The following PASD1 variants were observed in gnomAD, a reference collection of about 807,000 sequenced individuals.
PASD1 encodes the protein PAS domain containing repressor 1.
A neutral mutation model predicts 58.8 loss-of-function variants in PASD1; 13 were observed. That is an observed-to-expected ratio of 0.22 (90% CI 0.14 to 0.35). The LOEUF is 0.35. Ranked by LOEUF, PASD1 falls within the 10% of genes least tolerant of loss-of-function variation. The probability of loss-of-function intolerance (pLI) is 1.00; values close to 1 mark genes in which losing one functional copy is unlikely to be tolerated. For synonymous variants in PASD1, 236 were observed against 216.7 expected (o/e 1.09, Z -0.78); for missense variants, 734 against 568.3 (o/e 1.29, Z -2.96).
chrX:151,625,657 A>AC (rs142544047), intron 8 of PASD1, 127 bp downstream of exon 8: 235,292 of 576,557 alleles, frequency 0.41, 36,439 homozygotes, highest in Middle Eastern at 0.48. Context: ...AAAAAGAAAC[A>AC]AACGGGCCAG....
At chrX:151,672,779 A>T (rs2014496474) in intron 14 of PASD1, 118 bp downstream of exon 14, 10 of 1,076,420 alleles carry the variant, frequency 9.3e-6, no homozygotes, top group Non-Finnish European at 1.2e-5. Context: ...CGTCCCTCTC[A>T]TCAATAGCAA....
intron 1 of PASD1, among the ~76,000 whole-genome samples, chrX:151,564,717 TAA>T (rs72264125): frequency 0.39 from 38,032 of 97,561 alleles, 6,033 homozygotes; most frequent in Non-Finnish European, 0.43. Context: ...CTACAAAAAT[TAA>T]AAAAAAAAAA....
intron 8 of PASD1, among the ~76,000 whole-genome samples, chrX:151,646,487 C>T (rs967984263): frequency 8.9e-6 from 1 of 112,181 alleles, no homozygotes; most frequent in Admixed American, 9.5e-5. Context: ...TGAAATGTGG[C>T]TACTGTGACT....
rs141831302 is a variant in PASD1, at chrX:151,648,669, C to T, written c.684C>T (p.Pro228=). The T allele has an allele frequency of 5.7e-4, 690 of 1,207,395 alleles. No homozygotes were observed. The highest frequency in any genetic ancestry group is 6.9e-4 in the Non-Finnish European group (617 of 893,671). The part of the protein sequence containing the change: ...HTSMKAVYVE[P]AAAAAAAAIS... Reference sequence around the variant, plus strand: ...GCATGAAAGCCGTGTACGTTGAACCCGCTGCTGCTGCTGCTGCTGCTGCTA... The same window carrying T: ...GCATGAAAGCCGTGTACGTTGAACCTGCTGCTGCTGCTGCTGCTGCTGCTA... Residue 228 remains proline (P), a synonymous_variant, in exon 9 of 16, where the codon CCC becomes CCT. Coordinates refer to ENST00000370357, the MANE Select transcript of PASD1 (RefSeq NM_173493.3).
At chrX:151,577,911 AC>A (rs1288445935) in intron 1 of PASD1, among the ~76,000 whole-genome samples, 1 of 111,770 alleles carries the variant, frequency 8.9e-6, no homozygotes, top group East Asian at 2.8e-4. Flanking sequence ...TTGAACTGCA[AC>A]CAGTAAACCA....
At chrX:151,628,125 A>G (rs1164971555) in intron 8 of PASD1, among the ~76,000 whole-genome samples, 1 of 110,712 alleles carries the variant, frequency 9.0e-6, no homozygotes, top group Non-Finnish European at 1.9e-5. Context: ...AGATGAGTAG[A>G]TTGCAAAAAT....
At position 151,628,741 on chromosome X, in the gene PASD1, G is replaced by C. The variant is rs2013826938; in HGVS notation, c.629+3211G>C. 2.7e-5 allele frequency among the ~76,000 whole-genome samples: 3 copies of C among 111,880 alleles called. No individual in the cohort carries two copies. In the South Asian group the frequency reaches 1.1e-3, roughly 42 times the overall value. On this transcript the variant is annotated intron_variant, in intron 8 of 15. Coordinates refer to ENST00000370357, the MANE Select transcript of PASD1 (RefSeq NM_173493.3). Reference sequence around the variant, plus strand: ...AATTCTGTGAAGAAAGTCATTGGTAGCTTGATGGGGATGGCATTGAATCCA... The same window carrying C: ...AATTCTGTGAAGAAAGTCATTGGTACCTTGATGGGGATGGCATTGAATCCA...
intron 8 of PASD1, among the ~76,000 whole-genome samples, chrX:151,627,974 C>A (rs1215691518): frequency 1.3e-4 from 15 of 112,036 alleles, no homozygotes; most frequent in Admixed American, 3.8e-4. Flanking sequence ...AGCATTTTTT[C>A]ATGTGTCTTT....
In PASD1 at chrX:151,662,321, T is replaced by C. The variant is rs926534264; in HGVS notation, c.842-1798T>C. On this transcript the variant is annotated intron_variant, in intron 10 of 15. Transcript: ENST00000370357. Reference sequence around the variant, plus strand: ...AAAAAAAAATTGTTCCAGCTTTGGCTCATGGGGCTCTTTTAGGTTGGCTCC... The same window carrying C: ...AAAAAAAAATTGTTCCAGCTTTGGCCCATGGGGCTCTTTTAGGTTGGCTCC... 3.6e-5 allele frequency among the ~76,000 whole-genome samples: 4 copies of C among 111,153 alleles called. No individual in the cohort carries two copies. The Admixed American group carries it at 3.8e-4, about 11-fold the overall frequency.
At chrX:151,605,093 C>T (rs2013470949) in intron 3 of PASD1, among the ~76,000 whole-genome samples, 1 of 111,663 alleles carries the variant, frequency 9.0e-6, no homozygotes, top group Admixed American at 9.5e-5. Context: ...TAGTTTCTCC[C>T]CCCTCAAGAA....
rs796081260 is a variant in PASD1 at position 151,611,692 on chromosome X, G to A, written c.146G>A (p.Ser49Asn). Reference protein sequence around the residue: ...QLLDGFMITLSTDGVIICVAE... With the variant: ...QLLDGFMITLNTDGVIICVAE... ...TTAGATGGCTTTATGATTACACTGA[G>A]CACAGATGGAGTGATCATTTGTGTG... Residue 49 changes from serine (S) to asparagine (N), a missense_variant, in exon 4 of 16, where the codon AGC becomes AAC. Coordinates refer to ENST00000370357, the MANE Select transcript of PASD1 (RefSeq NM_173493.3). 2.5e-6 allele frequency: 3 copies of A among 1,201,101 alleles called. No individual in the cohort carries two copies. Among genetic ancestry groups the A allele is most frequent in the Non-Finnish European group, 2.2e-6 (2 of 890,152 alleles).
At chrX:151,601,228 T>G (rs771707878) in intron 1 of PASD1, among the ~76,000 whole-genome samples, 13 of 107,328 alleles carry the variant, frequency 1.2e-4, no homozygotes, top group Admixed American at 2.9e-4. Flanking sequence ...AAATATTTGG[T>G]TTTTTTTTTG....
chrX:151,652,511 C>T (rs990774306), intron 9 of PASD1, among the ~76,000 whole-genome samples: 2 of 92,666 alleles, frequency 2.2e-5, no homozygotes, highest in African/African-American at 4.0e-5. Flanking sequence ...CCAGCCTGGG[C>T]GACAGAATGA....
At chrX:151,668,240 C>G (rs1233473578) in intron 11 of PASD1, among the ~76,000 whole-genome samples, 2 of 111,765 alleles carry the variant, frequency 1.8e-5, no homozygotes, top group Non-Finnish European at 3.8e-5. Context: ...TGTCAAAGAT[C>G]TTTTCTGCAT....
chrX:151,663,849 A>T (rs773074068), intron 10 of PASD1, among the ~76,000 whole-genome samples: 2 of 111,947 alleles, frequency 1.8e-5, no homozygotes, highest in African/African-American at 3.2e-5. Flanking sequence ...GAGCCAAAAT[A>T]ATTTTATAAT....
At chrX:151,654,155 A>T (rs1215248767) in intron 9 of PASD1, among the ~76,000 whole-genome samples, 1 of 105,636 alleles carries the variant, frequency 9.5e-6, no homozygotes, top group African/African-American at 3.5e-5. Context: ...TTTTTTCTAG[A>T]GACAGGGTCT....
chrX:151,602,710 A>C (rs902377110), intron 2 of PASD1, among the ~76,000 whole-genome samples: 46 of 87,982 alleles, frequency 5.2e-4, no homozygotes, highest in African/African-American at 1.8e-3. Context: ...TAATAATAAT[A>C]ATAAGAAGAA....
At position 151,648,618 on chromosome X, in the gene PASD1, C is replaced by T; in HGVS notation, c.633C>T (p.Ser211=). Reference sequence around the variant, plus strand: ...CTCTCTTTTTTCCTATTTATAGTAGCTCTCAAGGTCAAAGAGGACACACTA... The same window carrying T: ...CTCTCTTTTTTCCTATTTATAGTAGTTCTCAAGGTCAAAGAGGACACACTA... The part of the protein sequence containing the change: ...DEEPFVGELS[S]SQGQRGHTSM... The change falls in exon 9 of 16, where the codon AGC becomes AGT. Residue 211 remains serine, a synonymous_variant. Transcript: ENST00000370357. The T allele has an allele frequency of 8.3e-7, 1 of 1,208,803 alleles. No homozygotes were observed. The highest frequency in any genetic ancestry group is 1.1e-6 in the Non-Finnish European group (1 of 893,365).
intron 9 of PASD1, among the ~76,000 whole-genome samples, chrX:151,656,784 T>C (rs1287356400): frequency 1.8e-5 from 2 of 111,986 alleles, no homozygotes; most frequent in African/African-American, 6.5e-5. Context: ...TTTCTAAATA[T>C]ACAATCATGT....
Sources: allele counts gnomAD v4.1 joint callset (sites outside exome capture counted in the v4.1 genomes callset), GRCh38; gene constraint gnomAD v4.1.1; transcripts MANE v1.5; gene names NCBI Gene and HGNC (gene_info 2026-07-23, HGNC 2026-07-21).